The following PXDNL variants were observed in gnomAD, a reference collection of about 807,000 sequenced individuals.
PXDNL encodes the protein probable oxidoreductase PXDNL.
PXDNL carries 145 observed loss-of-function variants against 150.8 expected under a neutral mutation model. The ratio of observed to expected loss-of-function variants is 0.96; its 90% CI spans 0.84 to 1.10. The LOEUF is 1.10. Ranked by LOEUF, PXDNL falls within the 50% of genes least tolerant of loss-of-function variation. PXDNL has a pLI of 0.00. For missense variants in PXDNL, 2,087 were observed against 1,873.9 expected (o/e 1.11, Z -2.10); for synonymous variants, 757 against 725.7 (o/e 1.04, Z -0.69).
In PXDNL at chr8:51,748,768, C is replaced by A. The variant is rs191781813; in HGVS notation, c.164+60413G>T. 1.9e-3 allele frequency among the ~76,000 whole-genome samples: 289 copies of A among 152,334 alleles called. 2 individuals carry two copies. The highest frequency in any genetic ancestry group is 6.6e-3 in the African/African-American group (273 of 41,566). ...TCCTTAGTAGCCTCCTGCCGTGGGT[C>A]TTTCCCCCTGGTTCCTGGGGAAAAC... On this transcript the variant is annotated intron_variant, in intron 1 of 22. Transcript: ENST00000356297.
At chr8:51,808,755 G>T (rs568666156) in intron 1 of PXDNL, among the ~76,000 whole-genome samples, 15 of 152,268 alleles carry the variant, frequency 9.9e-5, no homozygotes, top group African/African-American at 3.4e-4. Context: ...CTAACAATTT[G>T]TCAGCACATA....
intron 8 of PXDNL, among the ~76,000 whole-genome samples, chr8:51,468,370 T>G (rs1320759465): frequency 6.6e-6 from 1 of 151,986 alleles, no homozygotes; most frequent in Non-Finnish European, 1.5e-5. Flanking sequence ...CTTTTATCAT[T>G]AAGTATGATC....
intron 1 of PXDNL, among the ~76,000 whole-genome samples, chr8:51,803,073 G>A (rs2037637520): frequency 6.6e-6 from 1 of 152,194 alleles, no homozygotes; most frequent in Non-Finnish European, 1.5e-5. Flanking sequence ...GGGGCCAGAA[G>A]CATCAATGTC....
intron 1 of PXDNL, among the ~76,000 whole-genome samples, chr8:51,755,151 T>A (rs1306566393): frequency 6.6e-6 from 1 of 152,148 alleles, no homozygotes; most frequent in African/African-American, 2.4e-5. Context: ...ATGGGCCCCA[T>A]CCATCTAAAC....
intron 17 of PXDNL, among the ~76,000 whole-genome samples, chr8:51,382,715 T>C (rs1483573024): frequency 6.6e-6 from 1 of 152,110 alleles, no homozygotes; most frequent in Non-Finnish European, 1.5e-5. Flanking sequence ...AAAGATATAT[T>C]GATCTCTGAA....
intron 1 of PXDNL, among the ~76,000 whole-genome samples, chr8:51,668,195 AG>A (rs1815429323): frequency 6.2e-4 from 3 of 4,856 alleles, no homozygotes; most frequent in East Asian, 6.0e-3. Context: ...TTTTTTTTTG[AG>A]ACAGAGTCTC....
At chr8:51,652,422 G>GTCTCTCTC (rs1213759314) in intron 2 of PXDNL, among the ~76,000 whole-genome samples, 2 of 129,488 alleles carry the variant, frequency 1.5e-5, no homozygotes, top group African/African-American at 6.3e-5. Flanking sequence ...CTGTCTCTCT[G>GTCTCTCTC]TCTCTCTCTC....
chr8:51,374,709 T>C lies in PXDNL; in HGVS notation c.3580A>G (p.Ile1194Val), dbSNP rs965071805. 1.2e-6 allele frequency: 2 copies of C among 1,613,786 alleles called. No individual in the cohort carries two copies. The highest frequency in any genetic ancestry group is 2.7e-5 in the African/African-American group (2 of 74,884). The change falls in exon 18 of 23, where the codon ATT becomes GTT. Residue 1194 changes from isoleucine (I) to valine (V), a missense_variant. Transcript: ENST00000356297. ...ACCATAAGGGCGGGCCAGAGGTCAA[T>C]GTCACCTGGAGAGCCGTACAACCTG... is the stretch of plus-strand genomic sequence containing the variant. ...LRKLYGSPGD[I>V]DLWPALMVED...
Position 51,682,973 on chromosome 8 carries a change from C to T in PXDNL, c.165-28213G>A, listed in dbSNP as rs559834696. On this transcript the variant is annotated intron_variant, in intron 1 of 22. Coordinates refer to ENST00000356297, the MANE Select transcript of PXDNL (RefSeq NM_144651.5). ...AACGACCAGAGCGCTAATATCTCTTCGAGATCCTGATTTCAATCATTTTTG... is the reference window on the plus strand; with the variant it reads ...AACGACCAGAGCGCTAATATCTCTTTGAGATCCTGATTTCAATCATTTTTG... 8.6e-5 allele frequency among the ~76,000 whole-genome samples: 13 copies of T among 151,636 alleles called. No homozygotes were observed. In the East Asian group the frequency reaches 2.2e-3, roughly 25 times the overall value.
chr8:51,792,250 T>A (rs2037520041), intron 1 of PXDNL, among the ~76,000 whole-genome samples: 1 of 151,808 alleles, frequency 6.6e-6, no homozygotes, highest in East Asian at 2.0e-4. Context: ...TCACTGGGAC[T>A]GACTAGGTGG....
At chr8:51,707,051 C>A (rs1287664583) in intron 1 of PXDNL, among the ~76,000 whole-genome samples, 2 of 152,168 alleles carry the variant, frequency 1.3e-5, no homozygotes, top group African/African-American at 2.4e-5. Flanking sequence ...CTTATGATAG[C>A]CTGAAATTTA....
chr8:51,509,132 T>C (rs1254299402), intron 4 of PXDNL, among the ~76,000 whole-genome samples: 3 of 152,166 alleles, frequency 2.0e-5, no homozygotes, highest in African/African-American at 7.2e-5. Context: ...TTTTAGATGC[T>C]CTCACCACAC....
intron 2 of PXDNL, among the ~76,000 whole-genome samples, chr8:51,641,008 T>G (rs865966424): frequency 2.0e-5 from 3 of 152,042 alleles, no homozygotes; most frequent in Non-Finnish European, 2.9e-5. Context: ...AAAACAGAGA[T>G]ATAGATCAAT....
At chr8:51,565,317 AATAAATAGATAGATAG>A (rs1182711560) in intron 3 of PXDNL, among the ~76,000 whole-genome samples, 362 of 110,302 alleles carry the variant, frequency 3.3e-3, no homozygotes, top group African/African-American at 0.016. Flanking sequence ...TAAATAAATA[AATAAATAGATAGATAG>A]ATAGATAGAT....
intron 1 of PXDNL, among the ~76,000 whole-genome samples, chr8:51,685,546 T>C (rs890741240): frequency 2.0e-5 from 3 of 152,232 alleles, no homozygotes; most frequent in African/African-American, 7.2e-5. Flanking sequence ...CTGTCACTTA[T>C]TCTCTGGGTC....
intron 21 of PXDNL, among the ~76,000 whole-genome samples, chr8:51,326,343 C>T (rs59859700): frequency 2.0e-5 from 3 of 152,128 alleles, no homozygotes; most frequent in East Asian, 1.9e-4. Context: ...GCTAAAAATA[C>T]AAAAATTAGC....
intron 1 of PXDNL, among the ~76,000 whole-genome samples, chr8:51,696,751 A>C (rs1816144690): frequency 1.0e-5 from 1 of 100,304 alleles, no homozygotes; most frequent in Non-Finnish European, 2.1e-5. Flanking sequence ...ACACATACCC[A>C]CCCACACATA....
chr8:51,524,145 TAC>T (rs1811718138), intron 4 of PXDNL, among the ~76,000 whole-genome samples: 1 of 4,342 alleles, frequency 2.3e-4, no homozygotes, highest in Non-Finnish European at 8.1e-4. Flanking sequence ...GATGGAGTCA[TAC>T]CTGATATATG....
chr8:51,368,397 A>C (rs940041482), intron 19 of PXDNL, among the ~76,000 whole-genome samples: 10 of 152,164 alleles, frequency 6.6e-5, no homozygotes, highest in Non-Finnish European at 1.2e-4. Flanking sequence ...ACAGACTCAG[A>C]GTCCATTTCA....
Sources: gnomAD v4.1 joint callset for allele counts (sites outside exome capture counted in the v4.1 genomes callset) on GRCh38, gnomAD v4.1.1 for gene constraint, MANE v1.5 for transcripts, NCBI Gene and HGNC (gene_info 2026-07-23, HGNC 2026-07-21) for gene names.